The following KICS2 variants were observed in gnomAD, a reference collection of about 807,000 sequenced individuals.
The protein encoded by KICS2 is KICSTOR complex protein C12orf66.
KICS2 carries 13 observed loss-of-function variants against 31.4 expected under a neutral mutation model. That is an observed-to-expected ratio of 0.41 (90% CI 0.27 to 0.66). KICS2 has a LOEUF of 0.66. Among genes scored for constraint, KICS2 ranks in the 30% least tolerant of loss-of-function variants. The pLI, the probability that KICS2 is intolerant of heterozygous loss-of-function variation, is 0.28. For missense variants in KICS2, 455 were observed against 545.4 expected, an observed-to-expected ratio of 0.83 and a Z score of 1.65; for synonymous variants, 209 against 214.8, an observed-to-expected ratio of 0.97 and a Z score of 0.24.
chr12:64,211,560 G>A (rs770303270), intron 2 of KICS2, among the ~76,000 whole-genome samples: 12 of 151,984 alleles, frequency 7.9e-5, no homozygotes, highest in Non-Finnish European at 8.8e-5. Flanking sequence ...CGGAAGTTGC[G>A]GTGAGCCAAG....
intron 2 of KICS2, among the ~76,000 whole-genome samples, chr12:64,199,647 A>T (rs1244631786): frequency 6.7e-6 from 1 of 148,936 alleles, no homozygotes; most frequent in African/African-American, 2.5e-5. Context: ...CAATTAGGAA[A>T]AGAGGAAGTC....
At chr12:64,190,130 T>TA (rs2037368001), downstream of KICS2, among the ~76,000 whole-genome samples, 1 of 152,158 alleles carries the variant, frequency 6.6e-6, no homozygotes, top group Non-Finnish European at 1.5e-5. Context: ...CTTTCAAACA[T>TA]AATAACTAGG....
chr12:64,219,964 G>A lies in KICS2; in HGVS notation c.235+2039C>T, dbSNP rs117195091. Among the ~76,000 whole-genome samples the A allele has an allele frequency of 1.9e-3, 286 of 152,228 alleles. 2 individuals carry two copies. Among genetic ancestry groups the A allele is most frequent in the Admixed American group, 4.4e-3 (67 of 15,302 alleles). On this transcript the variant is annotated intron_variant, in intron 1 of 2. Coordinates refer to ENST00000398055, the MANE Select transcript of KICS2 (RefSeq NM_152440.5). ...TTCTCCTGAAGTTTTTAAGAAAATAGTAAACCGGGTAATTGTGTAGTCGTA... is the reference window on the plus strand; with the variant it reads ...TTCTCCTGAAGTTTTTAAGAAAATAATAAACCGGGTAATTGTGTAGTCGTA...
chr12:64,190,343 A>AG (rs1397349489), downstream of KICS2, among the ~76,000 whole-genome samples: 1 of 152,214 alleles, frequency 6.6e-6, no homozygotes, highest in Admixed American at 6.5e-5. Flanking sequence ...TTTACAGACA[A>AG]GGAAGTTGAG....
At chr12:64,207,330 T>C (rs1040446048) in intron 2 of KICS2, among the ~76,000 whole-genome samples, 4 of 132,992 alleles carry the variant, frequency 3.0e-5, no homozygotes, top group Non-Finnish European at 3.2e-5. Flanking sequence ...AAAAAAGAGA[T>C]GGCAAATTTG....
At position 64,222,053 on chromosome 12, in the gene KICS2, G is replaced by T; in HGVS notation, c.185C>A (p.Ala62Asp). ...GCTGTGATAGACCTTCTCGGCCGCG[G>T]CCAGGTGCGCCAAGGCCGCCAGCAG... The part of the protein sequence containing the change: ...LSLLAALAHL[A>D]AAEKVYHSLT... The change falls in exon 1 of 3, where the codon GCC becomes GAC. Residue 62 changes from alanine (A) to aspartate (D), a missense_variant. Transcript: ENST00000398055. The T allele has an allele frequency of 6.2e-7, 1 of 1,613,658 alleles. No individual in the cohort carries two copies. The highest frequency in any genetic ancestry group is 8.5e-7 in the Non-Finnish European group (1 of 1,179,882).
intron 2 of KICS2, among the ~76,000 whole-genome samples, chr12:64,201,605 TAAAAAAAAAAAAAGA>T (rs1443562205): frequency 8.6e-6 from 1 of 115,650 alleles, no homozygotes; most frequent in Non-Finnish European, 1.7e-5. Context: ...TAAAGTATAA[TAAAAAAAAAAAAAGA>T]AAAAAAAAAA....
In KICS2 at chr12:64,194,159, TG is replaced by T; in HGVS notation, c.1020del (p.Lys341ArgfsTer9). 6.2e-7 allele frequency: 1 copy of T among 1,614,090 alleles called. No homozygotes were observed. The highest frequency in any genetic ancestry group is 2.2e-5 in the East Asian group (1 of 44,878). Reference protein sequence around the residue: ...YHHPHSYREAPKGVDQYPAVV... With the variant: ...YHHPHSYREAXKGVDQYPAVV... ...ACAGCTGGATACTGGTCCACACCCT[TG>T]GGGGCCTCTCTGTAGGAATGGGGGT... On this transcript the variant is annotated frameshift_variant, in exon 3 of 3. Coordinates refer to ENST00000398055, the MANE Select transcript of KICS2 (RefSeq NM_152440.5). LOFTEE classifies it high-confidence loss of function.
At chr12:64,204,897 T>C in intron 2 of KICS2, 1 of 152,334 alleles carries the variant, frequency 6.6e-6, no homozygotes, top group East Asian at 1.9e-4. Context: ...ACTTAAATAC[T>C]GTATATTTTT....
intron 1 of KICS2, among the ~76,000 whole-genome samples, chr12:64,220,067 T>C (rs890638142): frequency 3.3e-5 from 5 of 152,242 alleles, no homozygotes; most frequent in African/African-American, 4.8e-5. Context: ...CTGGAACTTA[T>C]GTTTACTGTA....
chr12:64,207,790 T>G (rs1467489996), intron 2 of KICS2, among the ~76,000 whole-genome samples: 3 of 152,000 alleles, frequency 2.0e-5, no homozygotes, highest in African/African-American at 7.3e-5. Context: ...AACACACAAG[T>G]GTAAATTTGG....
chr12:64,203,355 A>C (rs1274441042), intron 2 of KICS2, among the ~76,000 whole-genome samples: 2 of 152,216 alleles, frequency 1.3e-5, no homozygotes, highest in Non-Finnish European at 2.9e-5. Flanking sequence ...TCTTCTGAGA[A>C]GCGCCTAGTG....
rs1216261420 is a variant in KICS2, at chr12:64,215,887, C to T, written c.312G>A (p.Val104=). The change falls in exon 2 of 3, where the codon GTG becomes GTA. Residue 104 remains valine, a synonymous_variant. Transcript: ENST00000398055. ...CACCCAGGGCACCACGGCCAGTCACCACCTTCTTCAGCTCATTATGCAATG... is the reference window on the plus strand; with the variant it reads ...CACCCAGGGCACCACGGCCAGTCACTACCTTCTTCAGCTCATTATGCAATG... ...YTSLHNELKK[V]VTGRGALGGT... is the part of the protein sequence containing the mutation. 3.1e-6 allele frequency: 5 copies of T among 1,613,742 alleles called. No individual in the cohort carries two copies. Among genetic ancestry groups the T allele is most frequent in the Admixed American group, 1.7e-5 (1 of 59,940 alleles).
intron 2 of KICS2, among the ~76,000 whole-genome samples, chr12:64,213,289 A>G (rs529072435): frequency 2.6e-5 from 4 of 152,084 alleles, no homozygotes; most frequent in African/African-American, 9.7e-5. Context: ...ATGATCAGCA[A>G]AGAGAAATTA....
intron 2 of KICS2, among the ~76,000 whole-genome samples, chr12:64,195,296 G>A (rs1211101870): frequency 6.6e-6 from 1 of 152,214 alleles, no homozygotes; most frequent in Non-Finnish European, 1.5e-5. Context: ...AACAAGGCAT[G>A]CTCTTTTCAG....
chr12:64,204,590 C>T (rs924746008), intron 2 of KICS2, among the ~76,000 whole-genome samples: 2 of 152,178 alleles, frequency 1.3e-5, no homozygotes, highest in South Asian at 4.1e-4. Flanking sequence ...AGTTCGAAAC[C>T]GGCCTGGGCA....
At chr12:64,218,466 G>A (rs2037649998) in intron 1 of KICS2, among the ~76,000 whole-genome samples, 1 of 152,158 alleles carries the variant, frequency 6.6e-6, no homozygotes. Flanking sequence ...GGTGTGTAAT[G>A]TGCCTGGAAC....
chr12:64,222,039 C>A lies in KICS2; in HGVS notation c.199G>T (p.Val67Phe), dbSNP rs775295898. 8 of 1,613,774 alleles carry A rather than the reference C, an allele frequency of 5.0e-6. No homozygotes were observed. Among genetic ancestry groups the A allele is most frequent in the African/African-American group, 4.0e-5 (3 of 75,046 alleles). ...ALAHLAAAEK[V>F]YHSLTYLGQK... ...CCCAGGTAGGTGAGGCTGTGATAGA[C>A]CTTCTCGGCCGCGGCCAGGTGCGCC... The change falls in exon 1 of 3, where the codon GTC becomes TTC. Residue 67 changes from valine (V) to phenylalanine (F), a missense_variant. Val to Phe is a conservative substitution (Grantham distance 50). Coordinates refer to ENST00000398055, the MANE Select transcript of KICS2 (RefSeq NM_152440.5).
intron 1 of KICS2, 41 bp from the exon 2 acceptor site, chr12:64,216,004 A>G: frequency 6.4e-7 from 1 of 1,550,938 alleles, no homozygotes; most frequent in Non-Finnish European, 8.7e-7. Context: ...AGTAAGAAGG[A>G]GAAACCGTAA....
Sources: gnomAD v4.1 joint callset for allele counts (sites outside exome capture counted in the v4.1 genomes callset) on GRCh38, gnomAD v4.1.1 for gene constraint, MANE v1.5 for transcripts, NCBI Gene and HGNC (gene_info 2026-07-23, HGNC 2026-07-21) for gene names.